DCAF17: variants seen among roughly 807,000 people sequenced by gnomAD.
DCAF17 encodes the protein DDB1- and CUL4-associated factor 17.
In DCAF17, 48 loss-of-function variants were observed where a neutral mutation model predicts 66.0. That is an observed-to-expected ratio of 0.73 (90% CI 0.58 to 0.92). The LOEUF (loss-of-function observed/expected upper bound fraction) is 0.92, where lower values mean the gene tolerates loss of function less well. Among genes scored for constraint, DCAF17 ranks in the 40% least tolerant of loss-of-function variants. The probability of loss-of-function intolerance (pLI) is 0.00; values close to 1 mark genes in which losing one functional copy is unlikely to be tolerated. For synonymous variants in DCAF17, 206 were observed against 214.6 expected (o/e 0.96, Z 0.35); for missense variants, 562 against 622.8 (o/e 0.90, Z 1.04).
In DCAF17 at chr2:171,458,033, A is replaced by G. The variant is rs1695359997; in HGVS notation, c.690A>G (p.Ser230=). 6.2e-7 allele frequency: 1 copy of G among 1,614,112 alleles called. No individual in the cohort carries two copies. The highest frequency in any genetic ancestry group is 2.2e-5 in the East Asian group (1 of 44,882). The stretch of plus-strand genomic sequence containing the variant: ...GAATACTGATTGTGATGTACAGCTC[A>G]GGACTGGTCAGACTCTATAGCTTCC... ...SHGILIVMYS[S]GLVRLYSFQT... The change falls in exon 7 of 14, where the codon TCA becomes TCG. Residue 230 remains serine (S), a synonymous_variant. Transcript: ENST00000375255.
chr2:171,441,159 T>C (rs1694287545), intron 2 of DCAF17, among the ~76,000 whole-genome samples: 1 of 152,196 alleles, frequency 6.6e-6, no homozygotes, highest in African/African-American at 2.4e-5. Flanking sequence ...TCCTAGGCCT[T>C]AACTTCTCCA....
intron 9 of DCAF17, among the ~76,000 whole-genome samples, chr2:171,469,647 A>G (rs1027053298): frequency 6.6e-6 from 1 of 152,346 alleles, no homozygotes; most frequent in Admixed American, 6.5e-5. Context: ...TGTGCCAGAC[A>G]TGACTAAGGA....
rs1457184454 is a variant in DCAF17, at chr2:171,434,564, C to T, written c.-14C>T. On this transcript the variant is annotated 5_prime_UTR_variant, in exon 1 of 14. Transcript: ENST00000375255. Reference sequence around the variant, plus strand: ...TCGGCGGCCCAGCCTACCCAGGGCCCGGCCCGCGCCTCCATGGGCCCGACC... The same window carrying T: ...TCGGCGGCCCAGCCTACCCAGGGCCTGGCCCGCGCCTCCATGGGCCCGACC... 28 of 1,525,254 alleles carry T rather than the reference C, an allele frequency of 1.8e-5. No homozygotes were observed. The East Asian group carries it at 4.2e-4, about 23-fold the overall frequency. The allele number at this position is 1,525,254 out of a possible 1,614,324, so 94.5% of individuals were successfully genotyped here.
chr2:171,476,963 T>A lies in DCAF17; in HGVS notation c.1182+13T>A, dbSNP rs779227349. ...GGAGAACCATAAAGTAAGTCAAGAG[T>A]ACTTTAAAATCCTTTATATATCATT... On this transcript the variant is annotated intron_variant, in intron 11 of 13. Transcript: ENST00000375255. 3.2e-6 allele frequency: 5 copies of A among 1,578,050 alleles called. No individual in the cohort carries two copies. In the Admixed American group the frequency reaches 8.3e-5, roughly 26 times the overall value.
In DCAF17 at chr2:171,481,138, A is replaced by G. The variant is rs775915730; in HGVS notation, c.*24A>G. The G allele has an allele frequency of 6.2e-7, 1 of 1,613,016 alleles. No individual in the cohort carries two copies. The highest frequency in any genetic ancestry group is 1.1e-5 in the South Asian group (1 of 91,070). Reference sequence around the variant, plus strand: ...AAAAAGAGTGAGATAATTGTAACCTAAGAGACTTTTAGCCAAACACCCCAG... The same window carrying G: ...AAAAAGAGTGAGATAATTGTAACCTGAGAGACTTTTAGCCAAACACCCCAG... On this transcript the variant is annotated 3_prime_UTR_variant, in exon 14 of 14. Transcript: ENST00000375255.
Position 171,449,930 on chromosome 2 carries a change from G to A in DCAF17, c.510G>A (p.Gln170=). The A allele has an allele frequency of 6.2e-7, 1 of 1,613,840 alleles. No individual in the cohort carries two copies. The highest frequency in any genetic ancestry group is 8.5e-7 in the Non-Finnish European group (1 of 1,179,806). Residue 170 remains glutamine (Q), a synonymous_variant, in exon 5 of 14, where the codon CAG becomes CAA. Transcript: ENST00000375255. The stretch of plus-strand genomic sequence containing the variant: ...AAGTCATTGCAGTTAAGTCAGCTCA[G>A]AACAGAGGCTCAGCAGTGGCCCGGC... The part of the protein sequence containing the change: ...PQEVIAVKSA[Q]NRGSAVARQA...
Position 171,484,999 on chromosome 2 carries a change from TTCTG to T in DCAF17, c.*3886_*3889del, listed in dbSNP as rs1192963584. The T allele has an allele frequency of 2.2e-6, 1 of 453,926 alleles. No homozygotes were observed. Among genetic ancestry groups the T allele is most frequent in the African/African-American group, 2.0e-5 (1 of 49,986 alleles). 28.1% of individuals were successfully genotyped at this position (453,926 alleles called of 1,614,324 possible). On this transcript the variant is annotated 3_prime_UTR_variant, in exon 14 of 14. Coordinates refer to ENST00000375255, the MANE Select transcript of DCAF17 (RefSeq NM_025000.4). ...TTTCTGTTGATGGACACTGGGCTCT[TTCTG>T]CTTGTTTTTTACTGTTATGAATAAA...
chr2:171,457,174 T>C (rs775497773), intron 6 of DCAF17, among the ~76,000 whole-genome samples: 2 of 152,314 alleles, frequency 1.3e-5, no homozygotes, highest in Admixed American at 6.5e-5. Context: ...TTCTAAGAGA[T>C]GACAAAAAAT....
chr2:171,480,764 A>T (rs1696705786), intron 13 of DCAF17, among the ~76,000 whole-genome samples: 1 of 152,166 alleles, frequency 6.6e-6, no homozygotes, highest in South Asian at 2.1e-4. Context: ...CTGGGTCCAG[A>T]GTTCTTTTTA....
chr2:171,477,372 A>G (rs1250967644), intron 11 of DCAF17, among the ~76,000 whole-genome samples: 1 of 152,250 alleles, frequency 6.6e-6, no homozygotes, highest in East Asian at 1.9e-4. Context: ...TTTCAAAAAC[A>G]GATCCACTTT....
At chr2:171,434,813 T>C (rs758916081) in intron 1 of DCAF17, 110 bp downstream of exon 1, 61 of 1,396,206 alleles carry the variant, frequency 4.4e-5, no homozygotes, top group Non-Finnish European at 4.7e-5. Context: ...TAGGGTCACA[T>C]GTGATGGGGA....
At position 171,458,091 on chromosome 2, in the gene DCAF17, A is replaced by C; in HGVS notation, c.732+16A>C. On this transcript the variant is annotated intron_variant, in intron 7 of 13. Coordinates refer to ENST00000375255, the MANE Select transcript of DCAF17 (RefSeq NM_025000.4). ...CGCTGAACAGGTAGAGAAAACTGAA[A>C]TTTGTCATGTTACTATTAGCATGAG... 1 of 1,603,112 alleles carries C rather than the reference A, an allele frequency of 6.2e-7. No individual in the cohort carries two copies. The highest frequency in any genetic ancestry group is 2.2e-5 in the East Asian group (1 of 44,806).
chr2:171,435,673 C>G (rs1479480007), intron 2 of DCAF17, among the ~76,000 whole-genome samples: 1 of 152,094 alleles, frequency 6.6e-6, no homozygotes, highest in African/African-American at 2.4e-5. Context: ...CACAATGCAT[C>G]CCCATATACT....
chr2:171,454,345 CGCAATCTCTGCCCACT>C (rs1559270101), intron 6 of DCAF17, among the ~76,000 whole-genome samples: 1 of 150,414 alleles, frequency 6.6e-6, no homozygotes. Flanking sequence ...AGTGCAGTGG[CGCAATCTCTGCCCACT>C]GCAATCTCTG....
chr2:171,469,765 G>T (rs1197032870), intron 9 of DCAF17, among the ~76,000 whole-genome samples: 2 of 152,042 alleles, frequency 1.3e-5, no homozygotes, highest in Non-Finnish European at 2.9e-5. Context: ...AGTTAAGGGG[G>T]GAGTTCCATT....
In DCAF17 at chr2:171,482,691, G is replaced by A. The variant is rs1485863204; in HGVS notation, c.*1577G>A. ...AGATTTTTTTTTTTAGGTGATTATT[G>A]AGTTTCTCCTTCTCCTTTAAGTCAT... is the stretch of plus-strand genomic sequence containing the variant. On this transcript the variant is annotated 3_prime_UTR_variant, in exon 14 of 14. Transcript: ENST00000375255. 2.0e-5 allele frequency: 9 copies of A among 453,160 alleles called. No individual in the cohort carries two copies. Among genetic ancestry groups the A allele is most frequent in the Admixed American group, 7.1e-5 (3 of 42,390 alleles). The allele number at this position is 453,160 out of a possible 1,614,324, so 28.1% of individuals were successfully genotyped here.
chr2:171,473,700 T>G lies in DCAF17; in HGVS notation c.982-166T>G, dbSNP rs139029345. Among the ~76,000 whole-genome samples, 67 of 152,348 alleles carry G rather than the reference T, an allele frequency of 4.4e-4. No individual in the cohort carries two copies. In the East Asian group the frequency reaches 0.012, roughly 28 times the overall value. On this transcript the variant is annotated intron_variant, in intron 9 of 13. Transcript: ENST00000375255. ...TCTGAATTTAAATGTTCAGAATTTC[T>G]CAAATTTGCATGTCCTCATTTGGCC...
At chr2:171,443,347 G>GTT in intron 2 of DCAF17, 176 bp from the exon 3 acceptor site, 4 of 520,110 alleles carry the variant, frequency 7.7e-6, no homozygotes, top group East Asian at 6.7e-5. Flanking sequence ...TTTTAATCTT[G>GTT]TTTTTTTTTA....
intron 8 of DCAF17, among the ~76,000 whole-genome samples, chr2:171,462,833 G>C (rs17220699): frequency 6.6e-6 from 1 of 151,800 alleles, no homozygotes; most frequent in Non-Finnish European, 1.5e-5. Flanking sequence ...TTATATCATC[G>C]TATACAAAAG....
Sources: gnomAD v4.1 joint callset for allele counts (sites outside exome capture counted in the v4.1 genomes callset) on GRCh38, gnomAD v4.1.1 for gene constraint, MANE v1.5 for transcripts, NCBI Gene and HGNC (gene_info 2026-07-23, HGNC 2026-07-21) for gene names.